The following PSD3 variants were observed in gnomAD, a reference collection of about 807,000 sequenced individuals.
PSD3 encodes PH and SEC7 domain-containing protein 3.
In PSD3, 49 loss-of-function variants were observed where a neutral mutation model predicts 105.5. That is an observed-to-expected ratio of 0.46 (90% CI 0.37 to 0.59). The LOEUF is 0.59. Ranked by LOEUF, PSD3 falls within the 20% of genes least tolerant of loss-of-function variation. The pLI, the probability that PSD3 is intolerant of heterozygous loss-of-function variation, is 0.00. For synonymous variants in PSD3, 557 were observed against 457.8 expected (o/e 1.22, Z -2.77); for missense variants, 1,561 against 1,263.8 (o/e 1.24, Z -3.57).
At chr8:18,583,657 G>A (rs1286617180) in intron 12 of PSD3, among the ~76,000 whole-genome samples, 2 of 152,070 alleles carry the variant, frequency 1.3e-5, no homozygotes, top group East Asian at 1.9e-4. Context: ...TTTTAAGTGT[G>A]GGGTTAGATA....
At chr8:18,807,548 T>A (rs1338951924) in intron 4 of PSD3, among the ~76,000 whole-genome samples, 1 of 152,182 alleles carries the variant, frequency 6.6e-6, no homozygotes, top group East Asian at 1.9e-4. Context: ...CTGGCTTATT[T>A]TGCCATAGCT....
Position 18,853,299 on chromosome 8 carries a change from T to C in PSD3, c.1634+14375A>G, listed in dbSNP as rs558149229. Among the ~76,000 whole-genome samples the C allele has an allele frequency of 2.0e-5, 3 of 152,282 alleles. No homozygotes were observed. The East Asian group carries it at 5.8e-4, about 29-fold the overall frequency. On this transcript the variant is annotated intron_variant, in intron 4 of 15. Coordinates refer to ENST00000327040, the MANE Select transcript of PSD3 (RefSeq NM_015310.4). ...AATGTTACCAATGCATACCCACAAATACACCTGTTATAATCATTGACTACC... is the reference window on the plus strand; with the variant it reads ...AATGTTACCAATGCATACCCACAAACACACCTGTTATAATCATTGACTACC...
At chr8:18,710,976 C>A (rs1401663220) in intron 9 of PSD3, among the ~76,000 whole-genome samples, 1 of 151,586 alleles carries the variant, frequency 6.6e-6, no homozygotes, top group Non-Finnish European at 1.5e-5. Flanking sequence ...AGCCACTGCG[C>A]CTGGTCTCAA....
rs988910576 is a variant in PSD3, at chr8:19,060,944, G to A, written c.324+23262C>T. ...GGGTAACAACAGCCCCCTTGTTGAA[G>A]GCTCCTGGCTCCTACCTTCTCTGAC... On this transcript the variant is annotated intron_variant, in intron 1 of 1. Transcript: ENST00000521475. 3.3e-5 allele frequency among the ~76,000 whole-genome samples: 5 copies of A among 152,280 alleles called. No individual in the cohort carries two copies. In the South Asian group the frequency reaches 8.3e-4, roughly 25 times the overall value.
chr8:18,725,119 C>T (rs572714945), intron 9 of PSD3, among the ~76,000 whole-genome samples: 2 of 152,286 alleles, frequency 1.3e-5, no homozygotes, highest in Admixed American at 6.5e-5. Context: ...CGTATTGGCT[C>T]CCCATCATAT....
chr8:18,983,652 T>C (rs1055862641), intron 1 of PSD3, among the ~76,000 whole-genome samples: 20 of 152,100 alleles, frequency 1.3e-4, no homozygotes, highest in African/African-American at 4.6e-4. Flanking sequence ...TTTTAAGTTC[T>C]CCATCTTACA....
At chr8:18,919,784 GATGGGAAT>G (rs998002752) in intron 2 of PSD3, among the ~76,000 whole-genome samples, 1 of 144,056 alleles carries the variant, frequency 6.9e-6, no homozygotes, top group Non-Finnish European at 1.5e-5. Context: ...CTCACTCATA[GATGGGAAT>G]TGAACAATGA....
At chr8:18,908,491 C>G (rs1052171273) in intron 2 of PSD3, among the ~76,000 whole-genome samples, 1 of 152,152 alleles carries the variant, frequency 6.6e-6, no homozygotes, top group African/African-American at 2.4e-5. Context: ...ATGAGCATAC[C>G]TGGAAAAAGC....
In PSD3 at chr8:18,682,252, T is replaced by C. The variant is rs994265295; in HGVS notation, c.2173-26567A>G. Among the ~76,000 whole-genome samples the C allele has an allele frequency of 2.6e-5, 4 of 152,204 alleles. No individual in the cohort carries two copies. The East Asian group carries it at 5.8e-4, about 22-fold the overall frequency. On this transcript the variant is annotated intron_variant, in intron 9 of 15. Coordinates refer to ENST00000327040, the MANE Select transcript of PSD3 (RefSeq NM_015310.4). ...AGGATGATGAGCTCTTAATTTCCCA[T>C]AGCCTCTGACTGCATACCATGGGTA... is the stretch of plus-strand genomic sequence containing the variant.
chr8:18,612,993 C>T (rs1805378258), intron 11 of PSD3, among the ~76,000 whole-genome samples: 1 of 151,016 alleles, frequency 6.6e-6, no homozygotes. Context: ...ATTTACATGG[C>T]TTGGGCTGAG....
At chr8:18,806,416 G>C (rs1811201401) in intron 4 of PSD3, among the ~76,000 whole-genome samples, 1 of 152,178 alleles carries the variant, frequency 6.6e-6, no homozygotes, top group Non-Finnish European at 1.5e-5. Flanking sequence ...CCTGTGGTCA[G>C]GTATAGAGGG....
At chr8:18,640,401 T>C (rs1398977977) in intron 10 of PSD3, among the ~76,000 whole-genome samples, 1 of 152,172 alleles carries the variant, frequency 6.6e-6, no homozygotes, top group Non-Finnish European at 1.5e-5. Flanking sequence ...TTGTAGTTCC[T>C]GTAATCCCCA....
chr8:18,805,288 T>C (rs1402627639), intron 4 of PSD3, among the ~76,000 whole-genome samples: 2 of 152,202 alleles, frequency 1.3e-5, no homozygotes, highest in Non-Finnish European at 2.9e-5. Flanking sequence ...ACTATTGTTT[T>C]CCAGAAGAAC....
intron 14 of PSD3, among the ~76,000 whole-genome samples, chr8:18,566,274 C>G (rs979756362): frequency 2.0e-5 from 3 of 152,118 alleles, no homozygotes; most frequent in African/African-American, 4.8e-5. Context: ...CCTGTAATTC[C>G]AGCACTTTGG....
chr8:18,809,914 C>G (rs903691065), intron 4 of PSD3, among the ~76,000 whole-genome samples: 1 of 152,190 alleles, frequency 6.6e-6, no homozygotes, highest in Admixed American at 6.5e-5. Flanking sequence ...ATCCTTCTCT[C>G]TTGACCTGCA....
intron 2 of PSD3, among the ~76,000 whole-genome samples, chr8:18,889,234 A>G (rs1307124383): frequency 6.6e-6 from 1 of 152,168 alleles, no homozygotes; most frequent in East Asian, 1.9e-4. Context: ...TAGCAGTGCC[A>G]TCTTCAACTC....
intron 2 of PSD3, among the ~76,000 whole-genome samples, chr8:18,892,469 T>G (rs975670263): frequency 2.0e-5 from 3 of 152,050 alleles, no homozygotes; most frequent in African/African-American, 7.2e-5. Context: ...ATGATCTGCC[T>G]GCCTCAGCCT....
chr8:18,873,997 C>T (rs1405332647), intron 2 of PSD3, among the ~76,000 whole-genome samples: 4 of 152,140 alleles, frequency 2.6e-5, no homozygotes, highest in Non-Finnish European at 5.9e-5. Flanking sequence ...TGGGGGTTTA[C>T]AGATAGCAGC....
intron 9 of PSD3, among the ~76,000 whole-genome samples, chr8:18,700,121 A>G (rs1801494541): frequency 6.6e-6 from 1 of 152,186 alleles, no homozygotes. Flanking sequence ...AATTAGAGAA[A>G]CAGAACCTGA....
Sources: gnomAD v4.1 joint callset for allele counts (sites outside exome capture counted in the v4.1 genomes callset) on GRCh38, gnomAD v4.1.1 for gene constraint, MANE v1.5 for transcripts, NCBI Gene and HGNC (gene_info 2026-07-23, HGNC 2026-07-21) for gene names.